FGF14: variants seen among roughly 807,000 people sequenced by gnomAD.
FGF14 encodes the protein fibroblast growth factor 14, also known as fibroblast growth factor homologous factor 4.
In FGF14, 5 loss-of-function variants were observed where a neutral mutation model predicts 25.5. The observed-to-expected ratio is 0.20, with a 90% confidence interval of 0.10 to 0.41. The LOEUF (loss-of-function observed/expected upper bound fraction) is 0.41, where lower values mean the gene tolerates loss of function less well. Ranked by LOEUF, FGF14 falls within the 10% of genes least tolerant of loss-of-function variation. The probability of loss-of-function intolerance (pLI) is 1.00; values close to 1 mark genes in which losing one functional copy is unlikely to be tolerated. For missense variants in FGF14, 222 were observed against 320.1 expected, an observed-to-expected ratio of 0.69 and a Z score of 2.34; for synonymous variants, 138 against 118.3, an observed-to-expected ratio of 1.17 and a Z score of -1.08.
chr13:102,379,880 C>G (rs982891203), intron 1 of FGF14, among the ~76,000 whole-genome samples: 1 of 152,018 alleles, frequency 6.6e-6, no homozygotes, highest in Admixed American at 6.6e-5. Context: ...AAACCAAGAG[C>G]CTCCAAAGTT....
intron 1 of FGF14, among the ~76,000 whole-genome samples, chr13:102,238,884 G>T (rs938083462): frequency 6.6e-6 from 1 of 152,054 alleles, no homozygotes; most frequent in Non-Finnish European, 1.5e-5. Context: ...TCCTTAGAAA[G>T]GTAGTACATA....
At chr13:102,180,381 C>T (rs1401455774) in intron 1 of FGF14, among the ~76,000 whole-genome samples, 2 of 152,228 alleles carry the variant, frequency 1.3e-5, no homozygotes, top group East Asian at 3.9e-4. Flanking sequence ...GGCACAATCT[C>T]AGCTCACTGC....
At chr13:101,955,927 G>A (rs1313094083) in intron 1 of FGF14, among the ~76,000 whole-genome samples, 3 of 152,184 alleles carry the variant, frequency 2.0e-5, no homozygotes, top group East Asian at 3.8e-4. Flanking sequence ...TTGCTGCCTC[G>A]TGTTACCTAG....
At chr13:101,875,957 G>C (rs2045367966) in intron 1 of FGF14, among the ~76,000 whole-genome samples, 1 of 151,978 alleles carries the variant, frequency 6.6e-6, no homozygotes, top group Admixed American at 6.6e-5. Flanking sequence ...ACGCATATGA[G>C]GTCAGCTCTG....
chr13:102,309,131 A>AACACACAC (rs1247982990), intron 1 of FGF14, among the ~76,000 whole-genome samples: 11 of 50,128 alleles, frequency 2.2e-4, no homozygotes, highest in African/African-American at 1.1e-3. Context: ...ATACATGCAT[A>AACACACAC]ACATACACAC....
intron 1 of FGF14, among the ~76,000 whole-genome samples, chr13:102,219,651 A>G (rs2050523932): frequency 6.6e-6 from 1 of 152,220 alleles, no homozygotes; most frequent in Non-Finnish European, 1.5e-5. Context: ...AGCTGTTGAA[A>G]TTGATACTAA....
intron 1 of FGF14, among the ~76,000 whole-genome samples, chr13:101,970,914 T>G (rs1270518448): frequency 6.6e-6 from 1 of 152,150 alleles, no homozygotes; most frequent in Non-Finnish European, 1.5e-5. Context: ...CCCCTATTTC[T>G]CTCTGTAGCT....
intron 1 of FGF14, among the ~76,000 whole-genome samples, chr13:102,182,840 A>T (rs1594312689): frequency 6.6e-6 from 1 of 152,198 alleles, no homozygotes; most frequent in East Asian, 1.9e-4. Context: ...TGTACTTCTC[A>T]AAAAGAATTA....
At chr13:102,221,372 T>C (rs1431914217) in intron 1 of FGF14, among the ~76,000 whole-genome samples, 1 of 152,114 alleles carries the variant, frequency 6.6e-6, no homozygotes, top group African/African-American at 2.4e-5. Context: ...TTAGGTCTTT[T>C]AAGAAAACTG....
In FGF14 at chr13:102,275,948, T is replaced by TA. The variant is rs961667569; in HGVS notation, c.208+125522dup. 1.2e-4 allele frequency among the ~76,000 whole-genome samples: 18 copies of TA among 151,998 alleles called. 1 individual carries two copies. The highest frequency in any genetic ancestry group is 2.9e-4 in the African/African-American group (12 of 41,472). Reference sequence around the variant, plus strand: ...AATTGAGTTTAAGAGCAATGAACAGTAAAAAAACAAACAAAACAAGCTTCC... The same window carrying TA: ...AATTGAGTTTAAGAGCAATGAACAGTAAAAAAAACAAACAAAACAAGCTTCC... On this transcript the variant is annotated intron_variant, in intron 1 of 4. Transcript: ENST00000376131.
At chr13:101,882,409 T>C (rs982064007) in intron 1 of FGF14, among the ~76,000 whole-genome samples, 23 of 152,144 alleles carry the variant, frequency 1.5e-4, no homozygotes, top group Admixed American at 1.4e-3. Flanking sequence ...TCAAAAGCCT[T>C]TCAGGGAAAG....
At chr13:102,326,930 C>A (rs2056473053) in intron 1 of FGF14, among the ~76,000 whole-genome samples, 1 of 152,084 alleles carries the variant, frequency 6.6e-6, no homozygotes, top group African/African-American at 2.4e-5. Context: ...CAATTATTCC[C>A]CACGGAAACT....
intron 1 of FGF14, among the ~76,000 whole-genome samples, chr13:102,387,334 T>C (rs1178657251): frequency 2.0e-5 from 3 of 152,234 alleles, no homozygotes; most frequent in Non-Finnish European, 4.4e-5. Context: ...GCAAAAATTA[T>C]TTCTAAAAGT....
chr13:102,100,200 C>T (rs1283572597), intron 1 of FGF14, among the ~76,000 whole-genome samples: 1 of 152,038 alleles, frequency 6.6e-6, no homozygotes, highest in Non-Finnish European at 1.5e-5. Flanking sequence ...GAGACCTAGC[C>T]ATGAAAGCAG....
At chr13:101,872,273 A>G (rs1202960853) in intron 2 of FGF14, among the ~76,000 whole-genome samples, 2 of 151,214 alleles carry the variant, frequency 1.3e-5, no homozygotes, top group East Asian at 4.0e-4. Context: ...CATGTTTATG[A>G]ATGATTATTC....
At chr13:102,096,458 T>C (rs1288346489) in intron 1 of FGF14, among the ~76,000 whole-genome samples, 3 of 152,088 alleles carry the variant, frequency 2.0e-5, no homozygotes, top group Non-Finnish European at 4.4e-5. Context: ...CTAATTTGGA[T>C]AATGGTTAAG....
chr13:101,869,819 G>A (rs74121064), intron 2 of FGF14, among the ~76,000 whole-genome samples: 151 of 152,214 alleles, frequency 9.9e-4, no homozygotes, highest in African/African-American at 3.6e-3. Flanking sequence ...TGAAAAATGT[G>A]GGCAATTTGG....
intron 3 of FGF14, among the ~76,000 whole-genome samples, chr13:101,803,128 C>CTTT (rs538040504): frequency 2.3e-5 from 3 of 132,964 alleles, no homozygotes; most frequent in Admixed American, 7.6e-5. Context: ...CATTTTGAAA[C>CTTT]TTTTTTTTTT....
At chr13:101,844,612 T>C (rs949451754) in intron 3 of FGF14, among the ~76,000 whole-genome samples, 1 of 152,044 alleles carries the variant, frequency 6.6e-6, no homozygotes, top group Non-Finnish European at 1.5e-5. Context: ...TATGATACTC[T>C]GGACTTAGCA....
Sources: allele counts gnomAD v4.1 joint callset (sites outside exome capture counted in the v4.1 genomes callset), GRCh38; gene constraint gnomAD v4.1.1; transcripts MANE v1.5; gene names NCBI Gene and HGNC (gene_info 2026-07-23, HGNC 2026-07-21).